The following SUPT20HL1 variants were observed in gnomAD, a reference collection of about 807,000 sequenced individuals.
SUPT20HL1 encodes SUPT20H like 1.
For missense variants in SUPT20HL1, 277 were observed against 200.3 expected, an observed-to-expected ratio of 1.38 and a Z score of -2.31; for synonymous variants, 133 against 79.2, an observed-to-expected ratio of 1.68 and a Z score of -3.61.
chrX:24,362,656 T>C lies in SUPT20HL1; in HGVS notation c.-105T>C, dbSNP rs1799530. ...CCACGTTGAACTCAGTGTGGACTTG[T>C]GGCATCTTGCGGGCCTGTAGATTAA... On this transcript the variant is annotated 5_prime_UTR_variant, in exon 1 of 1. Transcript: ENST00000686983. The C allele has an allele frequency of 6.1e-5, 22 of 361,652 alleles. No homozygotes were observed. The Middle Eastern group carries it at 5.8e-3, about 95-fold the overall frequency. 29.8% of individuals were successfully genotyped at this position (361,652 alleles called of 1,213,427 possible).
In SUPT20HL1 at chrX:24,364,633, A is replaced by T. The variant is rs374630008; in HGVS notation, c.1873A>T (p.Ser625Cys). ...AGTCCAGGGAGCCCAGGCTTTGGGG[A>T]GCAGTTTCAAGCCTGTGCAGGCCCC... ...GPVQGAQALG[S>C]SFKPVQAPGS... The change falls in exon 1 of 1, where the codon AGC becomes TGC. Residue 625 changes from serine (S) to cysteine (C), a missense_variant. By Grantham distance (112) the Ser-to-Cys change is moderately radical (BLOSUM62 -1). Transcript: ENST00000686983. 5.3e-4 allele frequency: 262 copies of T among 490,044 alleles called. No individual in the cohort carries two copies. The highest frequency in any genetic ancestry group is 9.7e-4 in the Non-Finnish European group (253 of 260,246). 40.4% of individuals were successfully genotyped at this position (490,044 alleles called of 1,213,427 possible).
Position 24,362,658 on chromosome X carries a change from G to C in SUPT20HL1, c.-103G>C. On this transcript the variant is annotated 5_prime_UTR_variant, in exon 1 of 1. Transcript: ENST00000686983. ...ACGTTGAACTCAGTGTGGACTTGTG[G>C]CATCTTGCGGGCCTGTAGATTAATA... The C allele has an allele frequency of 2.8e-6, 1 of 360,512 alleles. No individual in the cohort carries two copies. Among genetic ancestry groups the C allele is most frequent in the South Asian group, 2.6e-5 (1 of 37,965 alleles). The allele number at this position is 360,512 out of a possible 1,213,427, so 29.7% of individuals were successfully genotyped here.
chrX:24,362,321 C>T lies in SUPT20HL1; in HGVS notation c.-440C>T, dbSNP rs1939433005. Reference sequence around the variant, plus strand: ...CGCATAGACGGGGCCCAGGAGCTGACCCTGGCCCTCCCGTTCGCTTCCGGT... The same window carrying T: ...CGCATAGACGGGGCCCAGGAGCTGATCCTGGCCCTCCCGTTCGCTTCCGGT... On this transcript the variant is annotated 5_prime_UTR_variant, in exon 1 of 1. Transcript: ENST00000686983. Among the ~76,000 whole-genome samples the T allele has an allele frequency of 1.8e-5, 2 of 112,628 alleles. No homozygotes were observed. Among genetic ancestry groups the T allele is most frequent in the African/African-American group, 3.2e-5 (1 of 31,046 alleles).
Position 24,362,178 on chromosome X carries a change from T to C in SUPT20HL1, c.-583T>C, listed in dbSNP as rs1939431353. On this transcript the variant is annotated 5_prime_UTR_variant, in exon 1 of 1. It removes an upstream start codon present in the reference 5' UTR. Coordinates refer to ENST00000686983, the MANE Select transcript of SUPT20HL1 (RefSeq NM_001136234.3). ...TTGCATGTATGCTTTCAAGGTGAAA[T>C]GGCAAGTAGTCGAGTGCAAGTGCGG... 8.9e-6 allele frequency among the ~76,000 whole-genome samples: 1 copy of C among 112,613 alleles called. No homozygotes were observed. Among genetic ancestry groups the C allele is most frequent in the Non-Finnish European group, 1.9e-5 (1 of 53,321 alleles).
rs1458502576 is a variant in SUPT20HL1, at chrX:24,367,519, A to T, written c.*2095A>T. On this transcript the variant is annotated 3_prime_UTR_variant, in exon 1 of 1. Transcript: ENST00000686983. ...GTGCTACTGATGCTGTTAAAGAAAGACTTGGCCAACTTCAAGAAAACACAT... is the reference window on the plus strand; with the variant it reads ...GTGCTACTGATGCTGTTAAAGAAAGTCTTGGCCAACTTCAAGAAAACACAT... Among the ~76,000 whole-genome samples, 1 of 112,389 alleles carries T rather than the reference A, an allele frequency of 8.9e-6. No homozygotes were observed. Among genetic ancestry groups the T allele is most frequent in the Non-Finnish European group, 1.9e-5 (1 of 53,263 alleles).
chrX:24,363,776 T>A lies in SUPT20HL1; in HGVS notation c.1016T>A (p.Phe339Tyr), dbSNP rs1465713427. Residue 339 changes from phenylalanine to tyrosine, a missense_variant, in exon 1 of 1, where the codon TTT becomes TAT. Coordinates refer to ENST00000686983, the MANE Select transcript of SUPT20HL1 (RefSeq NM_001136234.3). ...CAGGAGGTAGAAGACCCTTTTGGAT[T>A]TGCGTTGGAAGCTGGCTGTCAGGCC... is the stretch of plus-strand genomic sequence containing the variant. ...PAQEVEDPFG[F>Y]ALEAGCQAWD... is the part of the protein sequence containing the mutation. 19 of 387,657 alleles carry A rather than the reference T, an allele frequency of 4.9e-5. No homozygotes were observed. The highest frequency in any genetic ancestry group is 3.5e-4 in the South Asian group (15 of 42,702). 31.9% of individuals were successfully genotyped at this position (387,657 alleles called of 1,213,427 possible).
At position 24,363,711 on chromosome X, in the gene SUPT20HL1, C is replaced by T. The variant is rs372311743; in HGVS notation, c.951C>T (p.Ser317=). 5.2e-5 allele frequency: 20 copies of T among 386,027 alleles called. No homozygotes were observed. In the East Asian group the frequency reaches 5.2e-4, roughly 10 times the overall value. The allele number at this position is 386,027 out of a possible 1,213,427, so 31.8% of individuals were successfully genotyped here. A position where few individuals can be genotyped will look rare whatever the true frequency, so the allele number is the denominator to read the frequency against. The change falls in exon 1 of 1, where the codon TCC becomes TCT. Residue 317 remains serine (S), a synonymous_variant. Transcript: ENST00000686983. ...AGAAACTTGCTAAAGGGTATCAGTCCGTCACAGCTGCTGACCCACAGCTCC... is the reference window on the plus strand; with the variant it reads ...AGAAACTTGCTAAAGGGTATCAGTCTGTCACAGCTGCTGACCCACAGCTCC... The part of the protein sequence containing the change: ...DVEKLAKGYQ[S]VTAADPQLPV...
chrX:24,361,748 C>T lies in SUPT20HL1; in HGVS notation c.-1013C>T, dbSNP rs2525861. ...CCATAGACAATGTAATGACCCACCA[C>T]GTAATTTTTTAATCTGTAAGTGCCC... On this transcript the variant is annotated 5_prime_UTR_variant, in exon 1 of 1. The change creates a new upstream start codon in the 5' untranslated region. Coordinates refer to ENST00000686983, the MANE Select transcript of SUPT20HL1 (RefSeq NM_001136234.3). Among the ~76,000 whole-genome samples the T allele has an allele frequency of 3.6e-5, 4 of 111,501 alleles. No individual in the cohort carries two copies. The highest frequency in any genetic ancestry group is 1.9e-5 in the Non-Finnish European group (1 of 53,224).
rs113589837 is a variant in SUPT20HL1, at chrX:24,363,907, C to A, written c.1147C>A (p.Gln383Lys). The A allele has an allele frequency of 0.025, 10,881 of 434,757 alleles. 140 individuals are homozygous for A. Among genetic ancestry groups the A allele is most frequent in the Middle Eastern group, 0.053 (136 of 2,562 alleles). The allele number at this position is 434,757 out of a possible 1,213,427, so 35.8% of individuals were successfully genotyped here. A position where few individuals can be genotyped will look rare whatever the true frequency, so the allele number is the denominator to read the frequency against. ...GCAGAAGAGCCAGAAGTCTCCCTGG[C>A]AGCCCTTCCCAGATGACCATTCAGC... ...ARQKSQKSPW[Q>K]PFPDDHSACL... is the part of the protein sequence containing the mutation. Residue 383 changes from glutamine (Q) to lysine (K), a missense_variant, in exon 1 of 1, where the codon CAG (glutamine) becomes AAG (lysine). By Grantham distance (53) the Gln-to-Lys change is moderately conservative. Transcript: ENST00000686983.
chrX:24,364,498 A>T lies in SUPT20HL1; in HGVS notation c.1738A>T (p.Ser580Cys), dbSNP rs377199102. 31 of 558,077 alleles carry T rather than the reference A, an allele frequency of 5.6e-5. No homozygotes were observed. In the African/African-American group the frequency reaches 5.9e-4, roughly 11 times the overall value. The allele number at this position is 558,077 out of a possible 1,213,427, so 46.0% of individuals were successfully genotyped here. A position where few individuals can be genotyped will look rare whatever the true frequency, so the allele number is the denominator to read the frequency against. ...GCCCTCTGTGCCTCTCATTCAAGCT[A>T]GCAGGCCCTGTCCAGCTGCCCAGCC... is the stretch of plus-strand genomic sequence containing the variant. ...QKPSVPLIQA[S>C]RPCPAAQPPT... is the part of the protein sequence containing the mutation. Residue 580 changes from serine to cysteine, a missense_variant, in exon 1 of 1, where the codon AGC (serine) becomes TGC (cysteine). Physicochemically the swap from Ser to Cys is moderately radical, Grantham distance 112. Transcript: ENST00000686983.
At position 24,366,019 on chromosome X, in the gene SUPT20HL1, G is replaced by A. The variant is rs1341413068; in HGVS notation, c.*595G>A. On this transcript the variant is annotated 3_prime_UTR_variant, in exon 1 of 1. Coordinates refer to ENST00000686983, the MANE Select transcript of SUPT20HL1 (RefSeq NM_001136234.3). ...ATTCTCCCTTGCCCAGTCCCTGGCA[G>A]CCATTGTTCTACTTTCTTTCTCTAT... Among the ~76,000 whole-genome samples the A allele has an allele frequency of 9.0e-6, 1 of 111,272 alleles. No homozygotes were observed. The highest frequency in any genetic ancestry group is 1.9e-5 in the Non-Finnish European group (1 of 53,030).
rs889784277 is a variant in SUPT20HL1 at position 24,367,814 on chromosome X, G to A, written c.*2390G>A. Reference sequence around the variant, plus strand: ...GATGTGGCTCTTTCCTCCCAGGCAGGCAAATAAATTCAGCTTTGTTTCAGA... The same window carrying A: ...GATGTGGCTCTTTCCTCCCAGGCAGACAAATAAATTCAGCTTTGTTTCAGA... On this transcript the variant is annotated 3_prime_UTR_variant, in exon 1 of 1. Coordinates refer to ENST00000686983, the MANE Select transcript of SUPT20HL1 (RefSeq NM_001136234.3). 7.1e-5 allele frequency among the ~76,000 whole-genome samples: 8 copies of A among 111,972 alleles called. No individual in the cohort carries two copies. Among genetic ancestry groups the A allele is most frequent in the African/African-American group, 2.6e-4 (8 of 30,786 alleles).
rs1939444491 is a variant in SUPT20HL1, at chrX:24,363,587, G to A, written c.827G>A (p.Gly276Asp). ...GGCCAAAAAGAAGAAAGAAAAGTAG[G>A]TCAGCCTTGTGAGCTGAACATTGCT... ...TSGQKEERKV[G>D]QPCELNIAKA... The change falls in exon 1 of 1, where the codon GGT becomes GAT. Residue 276 changes from glycine to aspartate, a missense_variant. Gly to Asp is a moderately conservative substitution (Grantham distance 94). Coordinates refer to ENST00000686983, the MANE Select transcript of SUPT20HL1 (RefSeq NM_001136234.3). 2.6e-6 allele frequency: 1 copy of A among 387,419 alleles called. No homozygotes were observed. The highest frequency in any genetic ancestry group is 5.2e-6 in the Non-Finnish European group (1 of 192,671). The allele number at this position is 387,419 out of a possible 1,213,427, so 31.9% of individuals were successfully genotyped here. A position where few individuals can be genotyped will look rare whatever the true frequency, so the allele number is the denominator to read the frequency against.
chrX:24,364,302 T>TGCTGCTGCTGCTCCTGCTCCTGCTCTA lies in SUPT20HL1; in HGVS notation c.1551_1552insGCTCCTGCTCCTGCTCTAGCTGCTGCT (p.Ala517_Pro518insAlaProAlaProAlaLeuAlaAlaAla), dbSNP rs1569203571. ...CTGCTGCTGCTGCTGCTGCTGCTGC[T>TGCTGCTGCTGCTCCTGCTCCTGCTCTA]GCTGCTGCTCCTGCTCCTGCTCTAG... On this transcript the variant is annotated inframe_insertion, in exon 1 of 1. Transcript: ENST00000686983. 1 of 968,417 alleles carries TGCTGCTGCTGCTCCTGCTCCTGCTCTA rather than the reference T, an allele frequency of 1.0e-6. No individual in the cohort carries two copies. The highest frequency in any genetic ancestry group is 2.7e-5 in the Admixed American group (1 of 36,878). 79.8% of individuals were successfully genotyped at this position (968,417 alleles called of 1,213,427 possible).
chrX:24,364,122 G>C lies in SUPT20HL1; in HGVS notation c.1362G>C (p.Ser454=), dbSNP rs772476871. Residue 454 remains serine, a synonymous_variant, in exon 1 of 1, where the codon TCG becomes TCC. Coordinates refer to ENST00000686983, the MANE Select transcript of SUPT20HL1 (RefSeq NM_001136234.3). ...CTGTGTGGGTCCAGTCTTCAGTATC[G>C]GGGAAGGGAGAGAAACATCCACCTC... ...PDPVWVQSSV[S]GKGEKHPPPR... 2.0e-4 allele frequency: 117 copies of C among 579,069 alleles called. 1 individual carries two copies. The highest frequency in any genetic ancestry group is 5.6e-4 in the South Asian group (25 of 44,898). The allele number at this position is 579,069 out of a possible 1,213,427, so 47.7% of individuals were successfully genotyped here. A position where few individuals can be genotyped will look rare whatever the true frequency, so the allele number is the denominator to read the frequency against.
rs773172995 is a variant in SUPT20HL1 at position 24,363,785 on chromosome X, A to C, written c.1025A>C (p.Glu342Ala). ...GAAGACCCTTTTGGATTTGCGTTGG[A>C]AGCTGGCTGTCAGGCCTGGGACACC... ...EVEDPFGFALEAGCQAWDTKP... is the reference protein window; with the variant it reads ...EVEDPFGFALAAGCQAWDTKP... Residue 342 changes from glutamate (E) to alanine (A), a missense_variant, in exon 1 of 1, where the codon GAA (glutamate) becomes GCA (alanine). By Grantham distance (107) the Glu-to-Ala change is moderately radical. Coordinates refer to ENST00000686983, the MANE Select transcript of SUPT20HL1 (RefSeq NM_001136234.3). 1 of 388,267 alleles carries C rather than the reference A, an allele frequency of 2.6e-6. No homozygotes were observed. Among genetic ancestry groups the C allele is most frequent in the Non-Finnish European group, 5.2e-6 (1 of 193,347 alleles). The allele number at this position is 388,267 out of a possible 1,213,427, so 32.0% of individuals were successfully genotyped here.
Position 24,364,432 on chromosome X carries a change from C to G in SUPT20HL1, c.1672C>G (p.Pro558Ala). 1 of 546,070 alleles carries G rather than the reference C, an allele frequency of 1.8e-6. No individual in the cohort carries two copies. Among genetic ancestry groups the G allele is most frequent in the Non-Finnish European group, 3.3e-6 (1 of 304,838 alleles). 45.0% of individuals were successfully genotyped at this position (546,070 alleles called of 1,213,427 possible). Reference sequence around the variant, plus strand: ...CGCTGCTCCTGCTGTAGCTGCTGCTCCTGCTGCTGCTGCTTCTGCGGCACC... The same window carrying G: ...CGCTGCTCCTGCTGTAGCTGCTGCTGCTGCTGCTGCTGCTTCTGCGGCACC... ...PAAAPAVAAA[P>A]AAAASAAPSH... The change falls in exon 1 of 1, where the codon CCT (proline) becomes GCT (alanine). Residue 558 changes from proline (P) to alanine (A), a missense_variant. Transcript: ENST00000686983.
rs1207581 is a variant in SUPT20HL1, at chrX:24,363,618, A to G, written c.858A>G (p.Ala286=). Residue 286 remains alanine, a synonymous_variant, in exon 1 of 1, where the codon GCA becomes GCG. Transcript: ENST00000686983. ...GQPCELNIAK[A]GSCVDTWKGR... is the part of the protein sequence containing the mutation. Reference sequence around the variant, plus strand: ...CTTGTGAGCTGAACATTGCTAAAGCAGGAAGTTGTGTAGACACGTGGAAAG... The same window carrying G: ...CTTGTGAGCTGAACATTGCTAAAGCGGGAAGTTGTGTAGACACGTGGAAAG... The G allele has an allele frequency of 5.2e-4, 200 of 385,934 alleles. 1 individual carries two copies. In the East Asian group the frequency reaches 8.2e-3, roughly 16 times the overall value. The allele number at this position is 385,934 out of a possible 1,213,427, so 31.8% of individuals were successfully genotyped here.
In SUPT20HL1 at chrX:24,366,207, T is replaced by C. The variant is rs753481931; in HGVS notation, c.*783T>C. On this transcript the variant is annotated 3_prime_UTR_variant, in exon 1 of 1. Transcript: ENST00000686983. ...AAAAATGGTTTCCCTGTACATAATA[T>C]ATATGAAAGTGACTTATGAATTCTG... Among the ~76,000 whole-genome samples the C allele has an allele frequency of 8.9e-6, 1 of 112,122 alleles. No homozygotes were observed. Among genetic ancestry groups the C allele is most frequent in the Non-Finnish European group, 1.9e-5 (1 of 53,225 alleles).
Sources: gnomAD v4.1 joint callset for allele counts (sites outside exome capture counted in the v4.1 genomes callset) on GRCh38, gnomAD v4.1.1 for gene constraint, MANE v1.5 for transcripts, NCBI Gene and HGNC (gene_info 2026-07-23, HGNC 2026-07-21) for gene names.